The following CYP3A5 variants were observed in gnomAD, a reference collection of about 807,000 sequenced individuals.
CYP3A5 encodes cytochrome P450 family 3 subfamily A member 5.
CYP3A5 carries 51 observed loss-of-function variants against 55.9 expected under a neutral mutation model. That is an observed-to-expected ratio of 0.91 (90% CI 0.73 to 1.15). The LOEUF is 1.15. Among genes scored for constraint, CYP3A5 ranks in the 50% most tolerant of loss-of-function variants. The probability of loss-of-function intolerance (pLI) is 0.00; values close to 1 mark genes in which losing one functional copy is unlikely to be tolerated. For missense variants in CYP3A5, 533 were observed against 596.6 expected (o/e 0.89, Z 1.11); for synonymous variants, 196 against 213.9 (o/e 0.92, Z 0.73).
chr7:99,668,440 A>G (rs577777993), intron 4 of CYP3A5, among the ~76,000 whole-genome samples: 52 of 152,350 alleles, frequency 3.4e-4, no homozygotes, highest in African/African-American at 1.1e-3. Context: ...ATGTATCCCA[A>G]TACAAATGTG....
chr7:99,664,183 G>T, intron 7 of CYP3A5, 88 bp from the exon 8 acceptor site: 1 of 1,085,082 alleles, frequency 9.2e-7, no homozygotes, highest in Non-Finnish European at 1.4e-6. Flanking sequence ...CCAGTAATAA[G>T]AATAAGAACA....
Position 99,662,733 on chromosome 7 carries a change from G to A in CYP3A5, c.865+83C>T. 7.5e-7 allele frequency: 1 copy of A among 1,334,572 alleles called. No homozygotes were observed. Among genetic ancestry groups the A allele is most frequent in the Non-Finnish European group, 1.1e-6 (1 of 937,602 alleles). The allele number at this position is 1,334,572 out of a possible 1,614,324, so 82.7% of individuals were successfully genotyped here. A position where few individuals can be genotyped will look rare whatever the true frequency, so the allele number is the denominator to read the frequency against. On this transcript the variant is annotated intron_variant, in intron 9 of 12. Transcript: ENST00000222982. The surrounding 1 kb of genome is among the most constrained non-coding windows in gnomAD (Gnocchi z 4.3). ...ATGTGGCAAAAATTCTCATCTTCCT[G>A]GAATACTTCCTGCACATTTTCAGAA... is the stretch of plus-strand genomic sequence containing the variant.
chr7:99,671,663 G>T, intron 4 of CYP3A5: 2 of 597,820 alleles, frequency 3.3e-6, no homozygotes, highest in East Asian at 5.6e-5. Context: ...GTAGGAAGGA[G>T]GGCTAAGCAA....
At chr7:99,666,572 C>T (rs1811042162) in intron 6 of CYP3A5, 29 bp downstream of exon 6, 3 of 1,608,670 alleles carry the variant, frequency 1.9e-6, no homozygotes, top group Non-Finnish European at 2.6e-6. Flanking sequence ...CATGACAGCT[C>T]AGAACCCCAT....
intron 11 of CYP3A5, 147 bp from the exon 12 acceptor site, chr7:99,650,379 G>T: frequency 1.4e-6 from 1 of 715,742 alleles, no homozygotes; most frequent in Non-Finnish European, 2.3e-6. Context: ...TTGAAATCCT[G>T]CTTTGGTTAT....
At chr7:99,672,531 T>A (rs377449419) in intron 4 of CYP3A5, 49 bp downstream of exon 4, 20 of 1,486,008 alleles carry the variant, frequency 1.3e-5, no homozygotes, top group Non-Finnish European at 1.7e-5. Flanking sequence ...AAATAAAAAT[T>A]TAATCAGTGG....
chr7:99,677,967 CTT>C (rs1812454837), intron 1 of CYP3A5, among the ~76,000 whole-genome samples: 1 of 152,234 alleles, frequency 6.6e-6, no homozygotes, highest in African/African-American at 2.4e-5. Context: ...TGGGCGAACT[CTT>C]TAGTTTCTTT....
rs142165231 is a variant in CYP3A5 at position 99,679,096 on chromosome 7, G to A, written c.71+730C>T. Among the ~76,000 whole-genome samples, 11 of 152,330 alleles carry A rather than the reference G, an allele frequency of 7.2e-5. 1 individual carries two copies. The East Asian group carries it at 2.1e-3, about 29-fold the overall frequency. ...ATTAATCCTAGCCTCCCAGAGACGG[G>A]AGGAAAAAGATTAAAGCAAAGAATA... On this transcript the variant is annotated intron_variant, in intron 1 of 12. Transcript: ENST00000222982.
At chr7:99,674,637 C>T (rs1172387011) in intron 2 of CYP3A5, 52 bp from the exon 3 acceptor site, 2 of 1,502,272 alleles carry the variant, frequency 1.3e-6, no homozygotes, top group Non-Finnish European at 9.2e-7. Flanking sequence ...TAGAATAAAC[C>T]CTACCTCTAA....
At chr7:99,654,260 T>A (rs1013601154) in intron 10 of CYP3A5, among the ~76,000 whole-genome samples, 19 of 152,002 alleles carry the variant, frequency 1.2e-4, no homozygotes, top group African/African-American at 3.9e-4. Flanking sequence ...GGCCCCAGTG[T>A]GTGATATTCC....
chr7:99,656,292 G>A (rs756963735), intron 10 of CYP3A5, among the ~76,000 whole-genome samples: 2 of 152,128 alleles, frequency 1.3e-5, no homozygotes, highest in Non-Finnish European at 2.9e-5. Context: ...TAGCATGAAG[G>A]GCTGTTGAAT....
At chr7:99,674,690 A>C in intron 2 of CYP3A5, 105 bp from the exon 3 acceptor site, 1 of 825,528 alleles carries the variant, frequency 1.2e-6, no homozygotes, top group Non-Finnish European at 1.9e-6. Flanking sequence ...CAGGCCTGCT[A>C]TCTTTCACTG....
intron 10 of CYP3A5, chr7:99,658,998 G>A (rs1810087321): frequency 6.6e-6 from 1 of 152,090 alleles, no homozygotes; most frequent in Non-Finnish European, 1.5e-5. Context: ...CTTTTTTCAA[G>A]GTTTTTAACT....
intron 10 of CYP3A5, among the ~76,000 whole-genome samples, chr7:99,658,034 C>T (rs1809958245): frequency 2.0e-5 from 3 of 151,818 alleles, no homozygotes; most frequent in African/African-American, 7.3e-5. Context: ...TGACTCTATC[C>T]AGTTTGCCAG....
intron 10 of CYP3A5, among the ~76,000 whole-genome samples, chr7:99,656,082 G>T (rs1039108105): frequency 6.6e-5 from 10 of 152,052 alleles, no homozygotes; most frequent in Non-Finnish European, 1.3e-4. Context: ...TCTTTCTCTT[G>T]CCTGATTGCC....
chr7:99,674,023 G>GT (rs1191453819), intron 3 of CYP3A5, among the ~76,000 whole-genome samples: 2 of 152,068 alleles, frequency 1.3e-5, no homozygotes, highest in African/African-American at 2.4e-5. Context: ...GTCACTAATT[G>GT]TTTTTTAACC....
At position 99,676,150 on chromosome 7, in the gene CYP3A5, G is replaced by A. The variant is rs975483116; in HGVS notation, c.130C>T (p.Leu44=). 8 of 1,613,762 alleles carry A rather than the reference G, an allele frequency of 5.0e-6. No individual in the cohort carries two copies. The African/African-American group carries it at 1.1e-4, about 22-fold the overall frequency. ...KRLGIPGPTP[L]PLLGNVLSYR... is the part of the protein sequence containing the mutation. Reference sequence around the variant, plus strand: ...GACAAAACATTTCCCAACAAAGGCAGAGGTGTGGGCCCTGGAATTCCCAGT... The same window carrying A: ...GACAAAACATTTCCCAACAAAGGCAAAGGTGTGGGCCCTGGAATTCCCAGT... Residue 44 remains leucine (L), a synonymous_variant, in exon 2 of 13, where the codon CTG becomes TTG. Coordinates refer to ENST00000222982, the MANE Select transcript of CYP3A5 (RefSeq NM_000777.5).
intron 4 of CYP3A5, chr7:99,670,922 A>G (rs1811545772): frequency 6.6e-6 from 1 of 152,210 alleles, no homozygotes; most frequent in Non-Finnish European, 1.5e-5. Context: ...TTCTTTTATA[A>G]TAAAAAATAT....
At position 99,662,968 on chromosome 7, in the gene CYP3A5, CT is replaced by C. The variant is rs1810597279; in HGVS notation, c.799-87del. 1 of 1,575,556 alleles carries C rather than the reference CT, an allele frequency of 6.3e-7. No individual in the cohort carries two copies. Among genetic ancestry groups the C allele is most frequent in the East Asian group, 2.3e-5 (1 of 43,914 alleles). The stretch of plus-strand genomic sequence containing the variant: ...AAAAGTGCAGTCCTCAACCTCCCTT[CT>C]TGACTTCCCTCCCTCAACCTCCCTA... On this transcript the variant is annotated intron_variant, in intron 8 of 12. Coordinates refer to ENST00000222982, the MANE Select transcript of CYP3A5 (RefSeq NM_000777.5). The surrounding 1 kb of genome is among the most constrained non-coding windows in gnomAD (Gnocchi z 4.3).
Sources: allele counts gnomAD v4.1 joint callset (sites outside exome capture counted in the v4.1 genomes callset), GRCh38; gene constraint gnomAD v4.1.1; non-coding constraint Gnocchi (gnomAD v3.1); transcripts MANE v1.5; gene names NCBI Gene and HGNC (gene_info 2026-07-23, HGNC 2026-07-21).